The following KIAA1614 variants were observed in gnomAD, a reference collection of about 807,000 sequenced individuals.
KIAA1614 encodes the protein uncharacterized protein KIAA1614.
A neutral mutation model predicts 88.7 loss-of-function variants in KIAA1614; 76 were observed. The observed-to-expected ratio is 0.86, with a 90% CI of 0.71 to 1.04. KIAA1614 has a LOEUF of 1.04. KIAA1614 is among the 50% of genes least tolerant of loss of function. The pLI is 0.00. For missense variants in KIAA1614, 1,553 were observed against 1,582.5 expected, an observed-to-expected ratio of 0.98 and a Z score of 0.32; for synonymous variants, 714 against 675.5, an observed-to-expected ratio of 1.06 and a Z score of -0.88.
intron 7 of KIAA1614, among the ~76,000 whole-genome samples, chr1:180,941,766 T>C (rs527903613): frequency 2.6e-5 from 4 of 152,326 alleles, no homozygotes; most frequent in African/African-American, 9.6e-5. Context: ...ACATCTGTCA[T>C]TGGTCCCTTA....
Position 180,920,752 on chromosome 1 carries a change from G to T in KIAA1614, c.1061+2838G>T, listed in dbSNP as rs967060622. ...CTGGGGCTGGCCTGGCTTGTGTGGG[G>T]CAGTCACCAGGAGTCAGCCTGGGAG... On this transcript the variant is annotated intron_variant, in intron 3 of 8. Coordinates refer to ENST00000367588, the MANE Select transcript of KIAA1614 (RefSeq NM_020950.2). Among the ~76,000 whole-genome samples, 5 of 152,244 alleles carry T rather than the reference G, an allele frequency of 3.3e-5. No individual in the cohort carries two copies. In the South Asian group the frequency reaches 1.0e-3, roughly 32 times the overall value.
intron 2 of KIAA1614, among the ~76,000 whole-genome samples, 189 bp from the exon 3 acceptor site, chr1:180,917,662 C>G (rs1653850188): frequency 6.6e-6 from 1 of 152,180 alleles, no homozygotes; most frequent in South Asian, 2.1e-4. Flanking sequence ...ATGTGGTCCT[C>G]TCAGCATATG....
Position 180,941,218 on chromosome 1 carries a change from A to T in KIAA1614, c.3092A>T (p.Gln1031Leu), listed in dbSNP as rs1194138076. ...AAGTCCCGCAGCTACAGTGTGGAGCAGTTGCAGCCCGCCCCGCCTGGCCTG... is the reference window on the plus strand; with the variant it reads ...AAGTCCCGCAGCTACAGTGTGGAGCTGTTGCAGCCCGCCCCGCCTGGCCTG... ...LGKSRSYSVE[Q>L]LQPAPPGLTS... The change falls in exon 7 of 9, where the codon CAG (glutamine) becomes CTG (leucine). Residue 1031 changes from glutamine to leucine, a missense_variant. Coordinates refer to ENST00000367588, the MANE Select transcript of KIAA1614 (RefSeq NM_020950.2). The T allele has an allele frequency of 6.2e-7, 1 of 1,613,846 alleles. No individual in the cohort carries two copies. The highest frequency in any genetic ancestry group is 8.5e-7 in the Non-Finnish European group (1 of 1,179,958).
intron 1 of KIAA1614, chr1:180,914,158 G>C (rs998808952): frequency 3.0e-4 from 17 of 56,720 alleles, no homozygotes; most frequent in African/African-American, 1.3e-3. Flanking sequence ...TTACTTCAAG[G>C]GGGGGGGGAC....
At chr1:180,942,092 A>G (rs1654482390) in intron 7 of KIAA1614, among the ~76,000 whole-genome samples, 1 of 92,088 alleles carries the variant, frequency 1.1e-5, no homozygotes, top group South Asian at 3.6e-4. Context: ...CATTTCTCCT[A>G]TGCCTCCCTC....
intron 1 of KIAA1614, 85 bp downstream of exon 1, chr1:180,913,378 C>A (rs997979714): frequency 1.8e-5 from 17 of 931,368 alleles, no homozygotes; most frequent in African/African-American, 6.9e-5. Context: ...CAGGTCGCCC[C>A]GGCCACTGGG....
intron 4 of KIAA1614, among the ~76,000 whole-genome samples, chr1:180,930,720 A>G (rs939037976): frequency 6.6e-6 from 1 of 152,252 alleles, no homozygotes; most frequent in African/African-American, 2.4e-5. Flanking sequence ...TAGAAATGCT[A>G]TAGAATTGCA....
chr1:180,931,132 G>A (rs1654188532), intron 4 of KIAA1614, among the ~76,000 whole-genome samples: 1 of 152,218 alleles, frequency 6.6e-6, no homozygotes, highest in Admixed American at 6.5e-5. Context: ...GCATTTTTCT[G>A]GAAACAAATT....
chr1:180,915,482 G>A (rs1034675270), intron 1 of KIAA1614, among the ~76,000 whole-genome samples: 4 of 152,186 alleles, frequency 2.6e-5, no homozygotes, highest in Non-Finnish European at 4.4e-5. Flanking sequence ...TCCACATTTG[G>A]CATAGGATTA....
Position 180,945,037 on chromosome 1 carries a change from C to G in KIAA1614, c.3288-266C>G. ...CCTTTTGTCAGATTCTTACAAAGGT[C>G]TCTGTACCCCCCAAAATTTGAAACC... On this transcript the variant is annotated intron_variant, in intron 8 of 8. Coordinates refer to ENST00000367588, the MANE Select transcript of KIAA1614 (RefSeq NM_020950.2). 4.0e-6 allele frequency: 2 copies of G among 495,356 alleles called. 1 individual carries two copies. Among genetic ancestry groups the G allele is most frequent in the Middle Eastern group, 1.0e-3 (2 of 1,986 alleles). The allele number at this position is 495,356 out of a possible 1,614,324, so 30.7% of individuals were successfully genotyped here.
chr1:180,924,208 A>G (rs1415831608), intron 3 of KIAA1614, among the ~76,000 whole-genome samples: 1 of 152,164 alleles, frequency 6.6e-6, no homozygotes, highest in Non-Finnish European at 1.5e-5. Flanking sequence ...CAATTTACCC[A>G]AGGCAATTCA....
chr1:180,950,589 G>A lies in KIAA1614; in HGVS notation c.*5001G>A, dbSNP rs1322949390. Reference sequence around the variant, plus strand: ...GCCTCGGAAGCCCTGAAGCACTCAGGGTGGTTGGCAGGAACGTGCTGCACA... The same window carrying A: ...GCCTCGGAAGCCCTGAAGCACTCAGAGTGGTTGGCAGGAACGTGCTGCACA... On this transcript the variant is annotated 3_prime_UTR_variant, in exon 9 of 9. Coordinates refer to ENST00000367588, the MANE Select transcript of KIAA1614 (RefSeq NM_020950.2). The A allele has an allele frequency of 9.8e-7, 1 of 1,016,638 alleles. No individual in the cohort carries two copies. Among genetic ancestry groups the A allele is most frequent in the East Asian group, 1.0e-4 (1 of 9,538 alleles). 63.0% of individuals were successfully genotyped at this position (1,016,638 alleles called of 1,614,324 possible). A position where few individuals can be genotyped will look rare whatever the true frequency, so the allele number is the denominator to read the frequency against.
chr1:180,944,523 G>A lies in KIAA1614; in HGVS notation c.3287+7G>A. ...ACCACAGTGCAGCTGGCAGGTATGAGGGGCACACATGGTTTGGAGGATAAA... is the reference window on the plus strand; with the variant it reads ...ACCACAGTGCAGCTGGCAGGTATGAAGGGCACACATGGTTTGGAGGATAAA... On this transcript the variant is annotated splice_region_variant and intron_variant, in intron 8 of 8. Transcript: ENST00000367588. 6.2e-7 allele frequency: 1 copy of A among 1,612,586 alleles called. No homozygotes were observed. Among genetic ancestry groups the A allele is most frequent in the Non-Finnish European group, 8.5e-7 (1 of 1,179,228 alleles).
At position 180,946,348 on chromosome 1, in the gene KIAA1614, G is replaced by C. The variant is rs555327858; in HGVS notation, c.*760G>C. ...GATTATGTTCAGATGAATCCTGGCT[G>C]CAGGCCTCTGACTGGGGTGTGCTCT... On this transcript the variant is annotated 3_prime_UTR_variant, in exon 9 of 9. Transcript: ENST00000367588. 1 of 152,260 alleles carries C rather than the reference G, an allele frequency of 6.6e-6. No individual in the cohort carries two copies. The highest frequency in any genetic ancestry group is 1.5e-5 in the Non-Finnish European group (1 of 68,084). The allele number at this position is 152,260 out of a possible 1,614,324, so 9.4% of individuals were successfully genotyped here.
chr1:180,917,814 G>C, intron 2 of KIAA1614, 37 bp from the exon 3 acceptor site: 2 of 1,589,436 alleles, frequency 1.3e-6, no homozygotes, highest in Non-Finnish European at 1.7e-6. Context: ...CCTGTTTCTG[G>C]CTCTGTCCTG....
chr1:180,935,643 C>T lies in KIAA1614; in HGVS notation c.1734C>T (p.Ser578=), dbSNP rs771341874. The T allele has an allele frequency of 2.5e-6, 4 of 1,612,270 alleles. No individual in the cohort carries two copies. The South Asian group carries it at 4.4e-5, about 18-fold the overall frequency. The part of the protein sequence containing the change: ...GMERVLGGLS[S]PLRLLPAEPR... The stretch of plus-strand genomic sequence containing the variant: ...AGAGGGTGCTGGGTGGCCTGAGCTC[C>T]CCACTCCGGCTCCTTCCTGCAGAGC... The change falls in exon 5 of 9, where the codon TCC becomes TCT. Residue 578 remains serine (S), a synonymous_variant. Transcript: ENST00000367588. The surrounding 1 kb of genome is among the most constrained non-coding windows in gnomAD (Gnocchi z 6.1).
rs1191376587 is a variant in KIAA1614, at chr1:180,935,778, C to T, written c.1869C>T (p.Thr623=). The change falls in exon 5 of 9, where the codon ACC becomes ACT. Residue 623 remains threonine (T), a synonymous_variant. Transcript: ENST00000367588. This position sits in a 1 kb window ranked among gnomAD's most constrained non-coding sequence, Gnocchi z 6.1. ...DSTDNSDNCR[T]DSEEAGTSQA... ...CAGACAACTCTGACAACTGCAGGAC[C>T]GACAGTGAGGAGGCGGGGACCTCTC... The T allele has an allele frequency of 5.0e-6, 8 of 1,613,732 alleles. No homozygotes were observed. Among genetic ancestry groups the T allele is most frequent in the Non-Finnish European group, 6.8e-6 (8 of 1,179,952 alleles).
chr1:180,930,619 A>G (rs1457287910), intron 4 of KIAA1614, among the ~76,000 whole-genome samples: 1 of 152,194 alleles, frequency 6.6e-6, no homozygotes, highest in Non-Finnish European at 1.5e-5. Flanking sequence ...GTCCTCTTGG[A>G]CACTTCTTCC....
intron 6 of KIAA1614, among the ~76,000 whole-genome samples, chr1:180,940,667 ACTCTCT>A (rs556894307): frequency 8.7e-6 from 1 of 115,192 alleles, no homozygotes; most frequent in Non-Finnish European, 1.9e-5. Context: ...CTTTTCCTTT[ACTCTCT>A]CTCTCTCCTT....
Sources: allele counts gnomAD v4.1 joint callset (sites outside exome capture counted in the v4.1 genomes callset), GRCh38; gene constraint gnomAD v4.1.1; non-coding constraint Gnocchi (gnomAD v3.1); transcripts MANE v1.5; gene names NCBI Gene and HGNC (gene_info 2026-07-23, HGNC 2026-07-21).